The following PLCH1 variants were observed in gnomAD, a reference collection of about 807,000 sequenced individuals.
PLCH1 encodes phospholipase C eta 1, also known as 1-phosphatidylinositol 4,5-bisphosphate phosphodiesterase eta-1.
Under a neutral mutation model 126.7 loss-of-function variants are expected in PLCH1, and 60 were observed. The observed-to-expected ratio is 0.47, with a 90% CI of 0.38 to 0.59. The LOEUF is 0.59. Ranked by LOEUF, PLCH1 falls within the 20% of genes least tolerant of loss-of-function variation. PLCH1 has a pLI of 0.00. For missense variants in PLCH1, 1,723 were observed against 2,040.0 expected (o/e 0.84, Z 2.99); for synonymous variants, 719 against 734.9 (o/e 0.98, Z 0.35).
At chr3:155,605,752 T>C (rs1469823669) in intron 2 of PLCH1, among the ~76,000 whole-genome samples, 1 of 152,220 alleles carries the variant, frequency 6.6e-6, no homozygotes, top group East Asian at 1.9e-4. Flanking sequence ...GTCTGTTGTT[T>C]GTGTGACCTT....
intron 8 of PLCH1, among the ~76,000 whole-genome samples, chr3:155,560,314 A>G (rs1474732596): frequency 6.6e-6 from 1 of 152,208 alleles, no homozygotes; most frequent in Admixed American, 6.5e-5. Flanking sequence ...AAACTTGTTG[A>G]GTGCTAAGCA....
At chr3:155,580,858 T>C (rs1028363257) in intron 6 of PLCH1, among the ~76,000 whole-genome samples, 1 of 152,192 alleles carries the variant, frequency 6.6e-6, no homozygotes, top group South Asian at 2.1e-4. Context: ...CCTTTTATCA[T>C]AGACTCTCAA....
intron 2 of PLCH1, among the ~76,000 whole-genome samples, chr3:155,612,583 C>T (rs1260239933): frequency 2.0e-5 from 3 of 151,282 alleles, no homozygotes; most frequent in African/African-American, 7.3e-5. Flanking sequence ...AAATGATAAA[C>T]AAAATTGATA....
chr3:155,475,789 G>A (rs887228436), downstream of PLCH1, among the ~76,000 whole-genome samples: 3 of 151,742 alleles, frequency 2.0e-5, no homozygotes, highest in Non-Finnish European at 2.9e-5. Context: ...CAAACAAATT[G>A]ATAACAAGTA....
rs112962744 is a variant in PLCH1, at chr3:155,469,229, C to T, written c.2938+16127G>A. Among the ~76,000 whole-genome samples the T allele has an allele frequency of 6.7e-3, 1,023 of 152,148 alleles. 8 individuals carry two copies. The highest frequency in any genetic ancestry group is 0.024 in the African/African-American group (976 of 41,528). On this transcript the variant is annotated intron_variant, in intron 21 of 21. Transcript: ENST00000494598. ...GGTCAGTGGGTGTGCGCACCGTGTGCGAGCCGAAGCAGGGCGAGGCATTGC... is the reference window on the plus strand; with the variant it reads ...GGTCAGTGGGTGTGCGCACCGTGTGTGAGCCGAAGCAGGGCGAGGCATTGC...
chr3:155,628,018 C>T (rs980624372), intron 2 of PLCH1, among the ~76,000 whole-genome samples: 2 of 151,984 alleles, frequency 1.3e-5, no homozygotes, highest in Non-Finnish European at 2.9e-5. Context: ...CCACCCCCTT[C>T]GGGCTCCCAA....
chr3:155,676,343 T>C (rs1744083700), intron 2 of PLCH1: 1 of 1,074,794 alleles, frequency 9.3e-7, no homozygotes, highest in Non-Finnish European at 1.1e-6. Flanking sequence ...ATTGTGGGAA[T>C]GCAGGCGCTG....
At chr3:155,652,462 G>A (rs1467846385) in intron 2 of PLCH1, among the ~76,000 whole-genome samples, 1 of 152,192 alleles carries the variant, frequency 6.6e-6, no homozygotes, top group Non-Finnish European at 1.5e-5. Flanking sequence ...AGCAAAGGAA[G>A]AACTTTCTGT....
chr3:155,483,033 C>A lies in PLCH1; in HGVS notation c.2993G>T (p.Arg998Ile), dbSNP rs1560047422. 6.2e-7 allele frequency: 1 copy of A among 1,613,260 alleles called. No homozygotes were observed. Among genetic ancestry groups the A allele is most frequent in the East Asian group, 2.2e-5 (1 of 44,884 alleles). Residue 998 changes from arginine to isoleucine, a missense_variant, in exon 23 of 23, where the codon AGA (arginine) becomes ATA (isoleucine). By Grantham distance (97) the Arg-to-Ile change is moderately conservative. Coordinates refer to ENST00000460012, the MANE Select transcript of PLCH1 (RefSeq NM_014996.4). ...ENSLAEDKDGRRKGKASIKDP... is the reference protein window; with the variant it reads ...ENSLAEDKDGIRKGKASIKDP... ...TTTTATACTTGCTTTCCCTTTTCTT[C>A]TGCCATCTTTATCTTCTGCTGAAGG...
chr3:155,689,930 A>G (rs1220727135), intron 2 of PLCH1, among the ~76,000 whole-genome samples: 2 of 152,160 alleles, frequency 1.3e-5, no homozygotes, highest in African/African-American at 4.8e-5. Context: ...CAAGAAGGTT[A>G]AGGAACACAA....
intron 1 of PLCH1, among the ~76,000 whole-genome samples, chr3:155,724,226 T>A (rs1748154308): frequency 6.6e-6 from 1 of 152,220 alleles, no homozygotes. Flanking sequence ...GGGAAGAATA[T>A]TCTGTAAATA....
chr3:155,575,328 C>T (rs1729778304), intron 6 of PLCH1, among the ~76,000 whole-genome samples: 1 of 152,174 alleles, frequency 6.6e-6, no homozygotes, highest in Admixed American at 6.5e-5. Flanking sequence ...ATAACTCTTA[C>T]CAAACCATTC....
At chr3:155,688,948 A>G (rs1326479897) in intron 2 of PLCH1, among the ~76,000 whole-genome samples, 1 of 152,206 alleles carries the variant, frequency 6.6e-6, no homozygotes, top group Admixed American at 6.5e-5. Flanking sequence ...GCATCGCTGG[A>G]CATGCCTGGG....
chr3:155,680,067 A>G (rs909041174), intron 2 of PLCH1, among the ~76,000 whole-genome samples: 6 of 152,130 alleles, frequency 3.9e-5, no homozygotes, highest in Admixed American at 3.9e-4. Context: ...AAACACAGAA[A>G]TGCTTTAAAA....
In PLCH1 at chr3:155,599,506, G is replaced by C. The variant is rs73874861; in HGVS notation, c.80-3128C>G. 6.6e-3 allele frequency among the ~76,000 whole-genome samples: 1,011 copies of C among 152,238 alleles called. 12 individuals are homozygous for C. Among genetic ancestry groups the C allele is most frequent in the African/African-American group, 0.023 (957 of 41,552 alleles). ...ATAAAACCAGGTTGTGGGGGGACTGGGGATGCTGGTTAAGACTTTGATCCA... is the reference window on the plus strand; with the variant it reads ...ATAAAACCAGGTTGTGGGGGGACTGCGGATGCTGGTTAAGACTTTGATCCA... On this transcript the variant is annotated intron_variant, in intron 2 of 22. Transcript: ENST00000460012.
intron 2 of PLCH1, among the ~76,000 whole-genome samples, chr3:155,692,844 C>T (rs1745501971): frequency 6.6e-6 from 1 of 152,028 alleles, no homozygotes; most frequent in Admixed American, 6.5e-5. Flanking sequence ...GCAAGCTCCG[C>T]CTTCCTGGTT....
intron 8 of PLCH1, among the ~76,000 whole-genome samples, chr3:155,558,664 A>G (rs2108487654): frequency 6.6e-6 from 1 of 152,318 alleles, no homozygotes; most frequent in South Asian, 2.1e-4. Context: ...TGAAGAAGGG[A>G]CAGAGTAGGA....
intron 11 of PLCH1, among the ~76,000 whole-genome samples, chr3:155,516,626 G>C (rs927181000): frequency 6.6e-6 from 1 of 152,060 alleles, no homozygotes. Context: ...TATGCCAAAA[G>C]AGGAAGTGTG....
chr3:155,704,356 C>G (rs796437599), intron 1 of PLCH1, 92 bp from the exon 2 acceptor site: 1 of 399,798 alleles, frequency 2.5e-6, no homozygotes, highest in African/African-American at 2.1e-5. Flanking sequence ...CCCAGCATTA[C>G]GGGGCAACAT....
Sources: gnomAD v4.1 joint callset for allele counts (sites outside exome capture counted in the v4.1 genomes callset) on GRCh38, gnomAD v4.1.1 for gene constraint, MANE v1.5 for transcripts, NCBI Gene and HGNC (gene_info 2026-07-23, HGNC 2026-07-21) for gene names.